Variants in DPYSL2 observed in about 807,000 individuals in gnomAD.
DPYSL2 encodes the protein dihydropyrimidinase-related protein 2.
In DPYSL2, 13 loss-of-function variants were observed where a neutral mutation model predicts 69.9. The observed-to-expected ratio is 0.19, with a 90% CI of 0.12 to 0.30. The LOEUF is 0.30. Among genes scored for constraint, DPYSL2 ranks in the 10% least tolerant of loss-of-function variants. The pLI is 1.00. For missense variants in DPYSL2, 587 were observed against 918.9 expected, an observed-to-expected ratio of 0.64 and a Z score of 4.67; for synonymous variants, 326 against 359.1, an observed-to-expected ratio of 0.91 and a Z score of 1.04.
At chr8:26,526,654 C>T (rs949915853) in intron 1 of DPYSL2, among the ~76,000 whole-genome samples, 9 of 152,194 alleles carry the variant, frequency 5.9e-5, no homozygotes, top group African/African-American at 2.2e-4. Context: ...TGTTTGAAAG[C>T]GATGCTCTCT....
chr8:26,519,150 G>A (rs1036476009), intron 1 of DPYSL2, among the ~76,000 whole-genome samples: 38 of 152,214 alleles, frequency 2.5e-4, no homozygotes, highest in African/African-American at 5.5e-4. Context: ...TGAGGCTGGG[G>A]AGTTTTTCCA....
At chr8:26,600,756 C>T (rs907267493) in intron 3 of DPYSL2, among the ~76,000 whole-genome samples, 2 of 152,204 alleles carry the variant, frequency 1.3e-5, no homozygotes, top group Non-Finnish European at 2.9e-5. Flanking sequence ...TGAGCCCTCC[C>T]TCTAGGGCTC....
chr8:26,604,660 T>G (rs961709715), intron 3 of DPYSL2, among the ~76,000 whole-genome samples: 1 of 151,588 alleles, frequency 6.6e-6, no homozygotes, highest in Non-Finnish European at 1.5e-5. Flanking sequence ...AGTCTTGCTT[T>G]TTTTTTTTTT....
At chr8:26,625,241 T>C (rs1200295945) in intron 4 of DPYSL2, among the ~76,000 whole-genome samples, 1 of 152,250 alleles carries the variant, frequency 6.6e-6, no homozygotes, top group Non-Finnish European at 1.5e-5. Context: ...TTCTCATATA[T>C]GAGGGTCTTG....
rs527842670 is a variant in DPYSL2 at position 26,609,666 on chromosome 8, G to A, written c.629-14477G>A. On this transcript the variant is annotated intron_variant, in intron 3 of 13. Coordinates refer to ENST00000521913, the MANE Select transcript of DPYSL2 (RefSeq NM_001197293.3). This position sits in a 1 kb window ranked among gnomAD's most constrained non-coding sequence, Gnocchi z 6.5. Reference sequence around the variant, plus strand: ...CCACCTCATCGGGCTGGACGCTGCCGGCTGCCACCCGTCGCTGAGCTGGAG... The same window carrying A: ...CCACCTCATCGGGCTGGACGCTGCCAGCTGCCACCCGTCGCTGAGCTGGAG... Among the ~76,000 whole-genome samples, 12 of 152,284 alleles carry A rather than the reference G, an allele frequency of 7.9e-5. No individual in the cohort carries two copies. The South Asian group carries it at 1.2e-3, about 16-fold the overall frequency.
intron 3 of DPYSL2, among the ~76,000 whole-genome samples, chr8:26,618,778 CAA>C (rs71216765): frequency 0.016 from 1,363 of 85,148 alleles, 15 homozygotes; most frequent in African/African-American, 0.043. Flanking sequence ...CCATCTCTAC[CAA>C]AAAAAAAAAA....
At position 26,608,958 on chromosome 8, in the gene DPYSL2, G is replaced by A. The variant is rs111594435; in HGVS notation, c.629-15185G>A. On this transcript the variant is annotated intron_variant, in intron 3 of 13. Coordinates refer to ENST00000521913, the MANE Select transcript of DPYSL2 (RefSeq NM_001197293.3). ...CTTGGAATAAACAGAATAGAGACCC[G>A]ACTCCTCACTCATTGTGTTTCTGAG... is the stretch of plus-strand genomic sequence containing the variant. 2.9e-4 allele frequency among the ~76,000 whole-genome samples: 44 copies of A among 152,290 alleles called. No individual in the cohort carries two copies. The South Asian group carries it at 3.9e-3, about 14-fold the overall frequency.
chr8:26,612,603 G>C (rs563905277), intron 3 of DPYSL2, among the ~76,000 whole-genome samples: 1 of 152,218 alleles, frequency 6.6e-6, no homozygotes, highest in Admixed American at 6.5e-5. Context: ...TGTAATCCCA[G>C]CACTTTGGGA....
chr8:26,529,197 G>A (rs1004425346), intron 1 of DPYSL2, among the ~76,000 whole-genome samples: 9 of 151,994 alleles, frequency 5.9e-5, no homozygotes, highest in South Asian at 2.1e-4. Flanking sequence ...GCCTAAGATC[G>A]TTATAAGATT....
At chr8:26,548,576 G>GTAC in intron 1 of DPYSL2, 1 of 151,324 alleles carries the variant, frequency 6.6e-6, no homozygotes, top group Non-Finnish European at 1.5e-5. Context: ...AATAATAATA[G>GTAC]TAATAATAAT....
In DPYSL2 at chr8:26,650,824, G is replaced by C. The variant is rs1038082997; in HGVS notation, c.1597-1433G>C. Among the ~76,000 whole-genome samples, 6 of 152,202 alleles carry C rather than the reference G, an allele frequency of 3.9e-5. No individual in the cohort carries two copies. The highest frequency in any genetic ancestry group is 1.4e-4 in the African/African-American group (6 of 41,452). On this transcript the variant is annotated intron_variant, in intron 11 of 13. Transcript: ENST00000521913. This position sits in a 1 kb window ranked among gnomAD's most constrained non-coding sequence, Gnocchi z 5.3. ...TCCCCCAAGAATTGGAACTGGAAGT[G>C]GGTGCTTGTCCAGCCTTGTGGTCTG...
chr8:26,531,963 C>T (rs1186737792), intron 1 of DPYSL2, among the ~76,000 whole-genome samples: 1 of 151,842 alleles, frequency 6.6e-6, no homozygotes, highest in Non-Finnish European at 1.5e-5. Flanking sequence ...TTTGGGAAGA[C>T]AGGTGGTTTG....
Position 26,605,355 on chromosome 8 carries a change from G to T in DPYSL2, c.629-18788G>T, listed in dbSNP as rs192765801. Among the ~76,000 whole-genome samples the T allele has an allele frequency of 2.6e-5, 4 of 151,824 alleles. No homozygotes were observed. Among genetic ancestry groups the T allele is most frequent in the African/African-American group, 9.7e-5 (4 of 41,322 alleles). ...GGCTGGAGTGCAGTGGTGTGAACTC[G>T]GCTCACTGCAACCTCCAGCTCCCGG... On this transcript the variant is annotated intron_variant, in intron 3 of 13. Coordinates refer to ENST00000521913, the MANE Select transcript of DPYSL2 (RefSeq NM_001197293.3). The surrounding 1 kb of genome is among the most constrained non-coding windows in gnomAD (Gnocchi z 4.1).
rs1208455167 is a variant in DPYSL2 at position 26,584,872 on chromosome 8, G to T, written c.628+889G>T. Among the ~76,000 whole-genome samples the T allele has an allele frequency of 3.3e-5, 5 of 152,022 alleles. No individual in the cohort carries two copies. In the East Asian group the frequency reaches 9.7e-4, roughly 29 times the overall value. Reference sequence around the variant, plus strand: ...CACCTCAGGTGATCTGCCTGCCTCGGCCTCCCAAAGTGCTGGGATTACAGG... The same window carrying T: ...CACCTCAGGTGATCTGCCTGCCTCGTCCTCCCAAAGTGCTGGGATTACAGG... On this transcript the variant is annotated intron_variant, in intron 3 of 13. Coordinates refer to ENST00000521913, the MANE Select transcript of DPYSL2 (RefSeq NM_001197293.3).
intron 1 of DPYSL2, among the ~76,000 whole-genome samples, chr8:26,555,936 T>C (rs1314865555): frequency 7.7e-6 from 1 of 130,266 alleles, no homozygotes; most frequent in East Asian, 2.1e-4. Context: ...TATACACATA[T>C]ACTATATATA....
chr8:26,517,755 G>T lies in DPYSL2; in HGVS notation c.354+3076G>T, dbSNP rs17318597. ...CCTATGCAGGCTGGAGTGACAGGGA[G>T]TGATTCTCCTCCTCTCCAGGGCAGG... On this transcript the variant is annotated intron_variant, in intron 1 of 13. Transcript: ENST00000521913. This position sits in a 1 kb window ranked among gnomAD's most constrained non-coding sequence, Gnocchi z 4.2. Among the ~76,000 whole-genome samples, 9,445 of 152,320 alleles carry T rather than the reference G, an allele frequency of 0.062. 349 individuals carry two copies. The highest frequency in any genetic ancestry group is 0.18 in the South Asian group (885 of 4,816).
chr8:26,589,301 G>A (rs1017951504), intron 3 of DPYSL2, among the ~76,000 whole-genome samples: 9 of 152,176 alleles, frequency 5.9e-5, no homozygotes, highest in African/African-American at 1.4e-4. Flanking sequence ...CTTCGCAAAC[G>A]TTGGGCTTTT....
chr8:26,610,668 C>G lies in DPYSL2; in HGVS notation c.629-13475C>G, dbSNP rs1455947142. On this transcript the variant is annotated intron_variant, in intron 3 of 13. Coordinates refer to ENST00000521913, the MANE Select transcript of DPYSL2 (RefSeq NM_001197293.3). This position sits in a 1 kb window ranked among gnomAD's most constrained non-coding sequence, Gnocchi z 4.5. ...TCCTAGCCTATCCCCCCTGCTCTCCCCTGGCATAGAAGGGTGCATCTCGTC... is the reference window on the plus strand; with the variant it reads ...TCCTAGCCTATCCCCCCTGCTCTCCGCTGGCATAGAAGGGTGCATCTCGTC... Among the ~76,000 whole-genome samples, 1 of 152,110 alleles carries G rather than the reference C, an allele frequency of 6.6e-6. No individual in the cohort carries two copies. The highest frequency in any genetic ancestry group is 1.9e-4 in the East Asian group (1 of 5,184).
chr8:26,653,378 G>A lies in DPYSL2; in HGVS notation c.1923G>A (p.Gln641=), dbSNP rs1403079813. Residue 641 remains glutamine (Q), a synonymous_variant, in exon 13 of 14, where the codon CAG becomes CAA. Transcript: ENST00000521913. This position sits in a 1 kb window ranked among gnomAD's most constrained non-coding sequence, Gnocchi z 5.7. The part of the protein sequence containing the change: ...QQAPPVRNLH[Q]SGFSLSGAQI... Reference sequence around the variant, plus strand: ...CCCCACCTGTCCGGAACCTGCACCAGTCTGGATTCAGTTTGTCTGGTAGGG... The same window carrying A: ...CCCCACCTGTCCGGAACCTGCACCAATCTGGATTCAGTTTGTCTGGTAGGG... 6.2e-7 allele frequency: 1 copy of A among 1,613,818 alleles called. No individual in the cohort carries two copies. Among genetic ancestry groups the A allele is most frequent in the East Asian group, 2.2e-5 (1 of 44,848 alleles).
Sources: gnomAD v4.1 joint callset for allele counts (sites outside exome capture counted in the v4.1 genomes callset) on GRCh38, gnomAD v4.1.1 for gene constraint, Gnocchi (gnomAD v3.1) non-coding constraint, MANE v1.5 for transcripts, NCBI Gene and HGNC (gene_info 2026-07-23, HGNC 2026-07-21) for gene names.